SULF1: variants seen among roughly 807,000 people sequenced by gnomAD.
SULF1 encodes the protein sulfatase 1, also known as extracellular sulfatase Sulf-1.
In SULF1, 46 loss-of-function variants were observed where a neutral mutation model predicts 110.5. The ratio of observed to expected loss-of-function variants is 0.42; its 90% CI spans 0.33 to 0.53. The LOEUF is 0.53. SULF1 is among the 20% of genes least tolerant of loss of function. The pLI is 0.12. For synonymous variants in SULF1, 371 were observed against 387.1 expected, an observed-to-expected ratio of 0.96 and a Z score of 0.49; for missense variants, 941 against 1,094.2, an observed-to-expected ratio of 0.86 and a Z score of 1.98.
chr8:69,494,178 G>T (rs1050230890), intron 1 of SULF1, among the ~76,000 whole-genome samples: 1 of 152,070 alleles, frequency 6.6e-6, no homozygotes, highest in African/African-American at 2.4e-5. Context: ...TGCTGTAAGT[G>T]CTGTGATTCA....
At chr8:69,522,601 T>A (rs1338268833) in intron 3 of SULF1, among the ~76,000 whole-genome samples, 1 of 152,158 alleles carries the variant, frequency 6.6e-6, no homozygotes, top group Non-Finnish European at 1.5e-5. Flanking sequence ...TATGTGAGTA[T>A]AGACAGGGAA....
chr8:69,587,712 C>A (rs1027205464), intron 7 of SULF1, among the ~76,000 whole-genome samples: 3 of 152,190 alleles, frequency 2.0e-5, no homozygotes, highest in Non-Finnish European at 4.4e-5. Flanking sequence ...CTCTCCTTTG[C>A]TGTCTGTAGG....
intron 3 of SULF1, among the ~76,000 whole-genome samples, chr8:69,549,443 C>T (rs1313240729): frequency 1.3e-5 from 2 of 152,000 alleles, no homozygotes; most frequent in African/African-American, 4.8e-5. Context: ...TAAAATTGCA[C>T]TTGAGATGGT....
chr8:69,523,690 C>G (rs79968984), intron 3 of SULF1, among the ~76,000 whole-genome samples: 3,470 of 152,072 alleles, frequency 0.023, 126 homozygotes, highest in African/African-American at 0.078. Context: ...ATTCACTACC[C>G]TCCCCTGATA....
At chr8:69,635,105 T>C (rs768789371) in intron 19 of SULF1, among the ~76,000 whole-genome samples, 15 of 152,206 alleles carry the variant, frequency 9.9e-5, no homozygotes, top group South Asian at 4.1e-4. Flanking sequence ...CGTGTAAAAA[T>C]ATTTAAATTA....
chr8:69,629,729 G>T, intron 19 of SULF1, 50 bp downstream of exon 19: 2 of 1,460,176 alleles, frequency 1.4e-6, no homozygotes, highest in South Asian at 2.6e-5. Context: ...CAGAGACAGC[G>T]ACTCATAACT....
chr8:69,490,356 C>G (rs1809885559), upstream of SULF1, among the ~76,000 whole-genome samples: 1 of 152,090 alleles, frequency 6.6e-6, no homozygotes, highest in Admixed American at 6.5e-5. Context: ...CCCGCCTTGG[C>G]CTCCAAAGCA....
intron 5 of SULF1, among the ~76,000 whole-genome samples, chr8:69,574,194 A>G (rs1462609046): frequency 3.3e-5 from 5 of 151,728 alleles, no homozygotes; most frequent in Non-Finnish European, 7.4e-5. Flanking sequence ...ACATAACTCT[A>G]CCTTTGTTTT....
At chr8:69,635,591 C>T (rs1810929179) in intron 19 of SULF1, among the ~76,000 whole-genome samples, 1 of 152,116 alleles carries the variant, frequency 6.6e-6, no homozygotes, top group Non-Finnish European at 1.5e-5. Flanking sequence ...TAAACTCTTG[C>T]CCGGGTGTGG....
chr8:69,473,531 A>T (rs554926273), intron 1 of SULF1, among the ~76,000 whole-genome samples: 14 of 152,326 alleles, frequency 9.2e-5, no homozygotes, highest in Middle Eastern at 6.8e-3. Context: ...GCTCTTGTTG[A>T]ATATAAACTA....
chr8:69,642,483 C>T (rs1340100802), intron 22 of SULF1: 1 of 791,270 alleles, frequency 1.3e-6, no homozygotes, highest in African/African-American at 1.9e-5. Context: ...TGTGTCACTC[C>T]CAGCACACAT....
In SULF1 at chr8:69,496,593, C is replaced by T. The variant is rs1299038904; in HGVS notation, c.-229+667C>T. ...GAAAGTTCATTATTTAAGGAAGGAA[C>T]AAGATATATTTGGGGAAATTCCCAT... On this transcript the variant is annotated intron_variant, in intron 2 of 22. Transcript: ENST00000402687. Among the ~76,000 whole-genome samples, 3 of 152,128 alleles carry T rather than the reference C, an allele frequency of 2.0e-5. No homozygotes were observed. The South Asian group carries it at 6.2e-4, about 32-fold the overall frequency.
chr8:69,517,195 G>T (rs573529657), intron 3 of SULF1, among the ~76,000 whole-genome samples: 1 of 152,090 alleles, frequency 6.6e-6, no homozygotes, highest in South Asian at 2.1e-4. Flanking sequence ...AGAAAGAATG[G>T]GGCAAAACTT....
intron 3 of SULF1, among the ~76,000 whole-genome samples, chr8:69,537,179 G>T (rs1017435980): frequency 6.6e-6 from 1 of 152,068 alleles, no homozygotes; most frequent in African/African-American, 2.4e-5. Context: ...CTCCAGCTGG[G>T]CTTTCAGAAC....
intron 3 of SULF1, among the ~76,000 whole-genome samples, chr8:69,530,019 G>T (rs1438182055): frequency 1.3e-5 from 2 of 152,108 alleles, no homozygotes; most frequent in African/African-American, 2.4e-5. Context: ...GATCCTATTT[G>T]GTGACTCGGT....
chr8:69,489,154 G>A (rs928439796), upstream of SULF1, among the ~76,000 whole-genome samples: 4 of 152,118 alleles, frequency 2.6e-5, no homozygotes, highest in South Asian at 4.1e-4. Context: ...GTTACAAGCC[G>A]ATCCATACAA....
chr8:69,479,187 T>C (rs937690520), intron 1 of SULF1, among the ~76,000 whole-genome samples: 11 of 152,320 alleles, frequency 7.2e-5, no homozygotes, highest in Non-Finnish European at 1.5e-4. Context: ...TATAGCTGGG[T>C]GTCACTCACA....
intron 12 of SULF1, 123 bp from the exon 13 acceptor site, chr8:69,604,680 C>T: frequency 7.9e-7 from 1 of 1,267,512 alleles, no homozygotes. Context: ...GCTTTAACAT[C>T]TATTTCTTGC....
intron 22 of SULF1, among the ~76,000 whole-genome samples, chr8:69,649,114 A>G (rs1162772185): frequency 1.3e-5 from 2 of 152,240 alleles, no homozygotes; most frequent in African/African-American, 4.8e-5. Context: ...AGCTGAAGAC[A>G]GGCAGAAACC....
Sources: allele counts gnomAD v4.1 joint callset (sites outside exome capture counted in the v4.1 genomes callset), GRCh38; gene constraint gnomAD v4.1.1; transcripts MANE v1.5; gene names NCBI Gene and HGNC (gene_info 2026-07-23, HGNC 2026-07-21).